PCMT1: variants seen among roughly 807,000 people sequenced by gnomAD.
The protein encoded by PCMT1 is protein-L-isoaspartate(D-aspartate) O-methyltransferase.
PCMT1 carries 9 observed loss-of-function variants against 29.2 expected under a neutral mutation model. The ratio of observed to expected loss-of-function variants is 0.31; its 90% CI spans 0.19 to 0.54. PCMT1 has a LOEUF of 0.54. Among genes scored for constraint, PCMT1 ranks in the 20% least tolerant of loss-of-function variants. The pLI is 0.95. For missense variants in PCMT1, 184 were observed against 282.2 expected (o/e 0.65, Z 2.49); for synonymous variants, 98 against 97.5 (o/e 1.00, Z -0.03).
chr6:149,780,048 A>G (rs926418128), intron 3 of PCMT1, among the ~76,000 whole-genome samples: 3 of 152,046 alleles, frequency 2.0e-5, no homozygotes, highest in African/African-American at 7.2e-5. Flanking sequence ...TTATTAAGAT[A>G]CAATTCTTGG....
rs186286057 is a variant in PCMT1, at chr6:149,795,919, T to G, written c.419-496T>G. Among the ~76,000 whole-genome samples the G allele has an allele frequency of 9.2e-5, 14 of 152,364 alleles. 1 individual carries two copies. The East Asian group carries it at 2.5e-3, about 27-fold the overall frequency. On this transcript the variant is annotated intron_variant, in intron 5 of 7. Coordinates refer to ENST00000464889, the MANE Select transcript of PCMT1 (RefSeq NM_001360452.2). ...CAGTTCCGTTATCTCCAGTGCCGTTTCATGCTTTAGAGTGAGTCACGTGCA... is the reference window on the plus strand; with the variant it reads ...CAGTTCCGTTATCTCCAGTGCCGTTGCATGCTTTAGAGTGAGTCACGTGCA...
intron 5 of PCMT1, chr6:149,796,085 G>A (rs1232386623): frequency 9.6e-6 from 2 of 208,896 alleles, no homozygotes; most frequent in Admixed American, 1.1e-4. Context: ...TGTAAACCCA[G>A]CACTTTGGGA....
chr6:149,769,305 A>ATTTTTTT (rs1234622188), intron 1 of PCMT1, among the ~76,000 whole-genome samples: 15 of 48,090 alleles, frequency 3.1e-4, no homozygotes, highest in African/African-American at 1.3e-3. Flanking sequence ...TTTGTGCAGG[A>ATTTTTTT]TTCTTTTTTT....
At chr6:149,768,042 C>T (rs1227141190) in intron 1 of PCMT1, among the ~76,000 whole-genome samples, 2 of 151,956 alleles carry the variant, frequency 1.3e-5, no homozygotes, top group Non-Finnish European at 2.9e-5. Context: ...GATCCACCCA[C>T]CTCGGCCTCC....
intron 3 of PCMT1, among the ~76,000 whole-genome samples, chr6:149,778,348 C>G (rs1423872010): frequency 1.3e-5 from 2 of 151,892 alleles, no homozygotes; most frequent in African/African-American, 4.8e-5. Flanking sequence ...CCTGCTTCAG[C>G]CTCCTGAGTA....
chr6:149,778,777 G>T (rs944273923), intron 3 of PCMT1, among the ~76,000 whole-genome samples: 1 of 152,072 alleles, frequency 6.6e-6, no homozygotes. Flanking sequence ...GAGCTCAAGC[G>T]ATCCTCCCAC....
chr6:149,760,820 C>T (rs536535509), intron 1 of PCMT1, among the ~76,000 whole-genome samples: 2 of 152,132 alleles, frequency 1.3e-5, no homozygotes, highest in East Asian at 3.8e-4. Context: ...CCACTGCACT[C>T]CAGCCTGGCA....
chr6:149,803,495 G>A (rs1448484494), intron 7 of PCMT1, among the ~76,000 whole-genome samples: 1 of 129,396 alleles, frequency 7.7e-6, no homozygotes, highest in African/African-American at 3.3e-5. Context: ...TGAATATTTT[G>A]TTTGAAGCCA....
At chr6:149,756,353 CTT>C (rs5880848) in intron 1 of PCMT1, among the ~76,000 whole-genome samples, 5 of 141,584 alleles carry the variant, frequency 3.5e-5, no homozygotes, top group Admixed American at 7.2e-5. Flanking sequence ...TATTCTTTCC[CTT>C]TTTTTTTTTT....
intron 5 of PCMT1, chr6:149,794,669 CAT>C: frequency 4.0e-6 from 1 of 250,718 alleles, no homozygotes; most frequent in Non-Finnish European, 6.9e-6. Context: ...TAGCCACAGC[CAT>C]CCCCTAGAGG....
At chr6:149,766,513 A>G (rs949805220) in intron 1 of PCMT1, among the ~76,000 whole-genome samples, 9 of 152,360 alleles carry the variant, frequency 5.9e-5, no homozygotes, top group Middle Eastern at 3.4e-3. Flanking sequence ...ATGATGTGGA[A>G]CATGGGTCAG....
In PCMT1 at chr6:149,771,356, T is replaced by C; in HGVS notation, c.160+90T>C. ...AAAAAGCCTGGGACACAGATATTTA[T>C]CTATTATTACCTTCTTAATTTGAAT... is the stretch of plus-strand genomic sequence containing the variant. On this transcript the variant is annotated intron_variant, in intron 2 of 7. Transcript: ENST00000464889. The C allele has an allele frequency of 5.5e-6, 4 of 723,308 alleles. No individual in the cohort carries two copies. In the East Asian group the frequency reaches 1.1e-4, roughly 19 times the overall value. The allele number at this position is 723,308 out of a possible 1,614,324, so 44.8% of individuals were successfully genotyped here. A position where few individuals can be genotyped will look rare whatever the true frequency, so the allele number is the denominator to read the frequency against.
At chr6:149,759,837 C>A (rs554053474) in intron 1 of PCMT1, among the ~76,000 whole-genome samples, 1 of 152,026 alleles carries the variant, frequency 6.6e-6, no homozygotes, top group African/African-American at 2.4e-5. Context: ...CAACACAGGC[C>A]CTCTTTATTT....
intron 5 of PCMT1, chr6:149,795,528 G>A (rs1489856366): frequency 2.2e-6 from 1 of 457,952 alleles, no homozygotes. Context: ...ACAGTGTTGG[G>A]CAGGATGTTT....
chr6:149,772,008 T>G (rs1051505716), intron 2 of PCMT1: 6 of 456,638 alleles, frequency 1.3e-5, no homozygotes, highest in African/African-American at 1.2e-4. Context: ...TTGTGTTTGT[T>G]TTTAGAAAGT....
At chr6:149,753,057 C>G (rs1366053747) in intron 1 of PCMT1, among the ~76,000 whole-genome samples, 3 of 152,122 alleles carry the variant, frequency 2.0e-5, no homozygotes, top group Admixed American at 6.5e-5. Flanking sequence ...TTTTGTAACA[C>G]TTGTGCAACT....
At chr6:149,754,472 T>G (rs1756853632) in intron 1 of PCMT1, among the ~76,000 whole-genome samples, 1 of 152,178 alleles carries the variant, frequency 6.6e-6, no homozygotes, top group Admixed American at 6.6e-5. Context: ...TTTAGGAAGA[T>G]AGCCAGAGTA....
At chr6:149,765,359 CAAAA>C (rs745563333) in intron 1 of PCMT1, among the ~76,000 whole-genome samples, 2 of 85,664 alleles carry the variant, frequency 2.3e-5, no homozygotes, top group African/African-American at 4.5e-5. Context: ...GACTCTGTCT[CAAAA>C]AAAAAAAAAA....
intron 1 of PCMT1, among the ~76,000 whole-genome samples, chr6:149,769,334 A>G: frequency 3.2e-5 from 1 of 31,486 alleles, no homozygotes; most frequent in Non-Finnish European, 4.4e-5. Context: ...TTTTTTTTTG[A>G]GACTGAGTCT....
Sources: allele counts gnomAD v4.1 joint callset (sites outside exome capture counted in the v4.1 genomes callset), GRCh38; gene constraint gnomAD v4.1.1; transcripts MANE v1.5; gene names NCBI Gene and HGNC (gene_info 2026-07-23, HGNC 2026-07-21).